Variants in NBPF12 observed in about 807,000 individuals in gnomAD.
The protein encoded by NBPF12 is NBPF family member NBPF12.
Under a neutral mutation model 146.4 loss-of-function variants are expected in NBPF12, and 115 were observed. The ratio of observed to expected loss-of-function variants is 0.79; its 90% CI spans 0.68 to 0.92. The LOEUF (loss-of-function observed/expected upper bound fraction) is 0.92, where lower values mean the gene tolerates loss of function less well. Ranked by LOEUF, NBPF12 falls within the 40% of genes least tolerant of loss-of-function variation. The pLI, the probability that NBPF12 is intolerant of heterozygous loss-of-function variation, is 0.00. For synonymous variants in NBPF12, 385 were observed against 508.9 expected (o/e 0.76, Z 3.28); for missense variants, 1,205 against 1,326.8 (o/e 0.91, Z 1.43).
chr1:146,951,200 C>G (rs1164561366), intron 1 of NBPF12, 148 bp from the exon 5 acceptor site: 1 of 605,424 alleles, frequency 1.7e-6, no homozygotes, highest in South Asian at 1.9e-5. Flanking sequence ...TATAAAGAAT[C>G]CTGTGACCAG....
chr1:146,994,143 T>A (rs1658367804), intron 33 of NBPF12, among the ~76,000 whole-genome samples, 189 bp from the exon 37 acceptor site: 1 of 133,938 alleles, frequency 7.5e-6, no homozygotes, highest in South Asian at 2.6e-4. Flanking sequence ...TCTCTCTCTG[T>A]CTTTCTCTTT....
rs1656094373 is a variant in NBPF12, at chr1:146,964,949, C to A, written c.623C>A (p.Ala208Asp). 4.4e-6 allele frequency: 7 copies of A among 1,608,114 alleles called. No homozygotes were observed. In the South Asian group the frequency reaches 5.5e-5, roughly 13 times the overall value. The change falls in exon 8 of 34, where the codon GCC (alanine) becomes GAC (aspartate). Residue 208 changes from alanine (A) to aspartate (D), a missense_variant. By Grantham distance (126) the Ala-to-Asp change is moderately radical (BLOSUM62 -2). This residue lies in a region of NBPF12 where 325 missense variants were observed against 236.6 expected (regional missense o/e 1.37). Coordinates refer to ENST00000617844, the Ensembl canonical transcript of NBPF12. ...CCTGAGGACTCACTGGAGGAATGTG[C>A]CATCACTTGTTCAAATAGCCACGGC... is the stretch of plus-strand genomic sequence containing the variant.
intron 8 of NBPF12, among the ~76,000 whole-genome samples, chr1:146,965,821 G>C (rs1350477881): frequency 1.5e-4 from 5 of 32,808 alleles, no homozygotes; most frequent in East Asian, 2.7e-3. Context: ...AAAAAAAAAA[G>C]TCTCTGACCA....
chr1:146,964,265 A>T (rs1553885227), intron 6 of NBPF12, 92 bp from the exon 10 acceptor site: 11 of 1,563,766 alleles, frequency 7.0e-6, no homozygotes, highest in Non-Finnish European at 8.8e-6. Flanking sequence ...GCTGAACCAT[A>T]CATAGATGTT....
At chr1:146,940,668 T>C (rs1290472178) in intron 1 of NBPF12, among the ~76,000 whole-genome samples, 1,523 of 152,116 alleles carry the variant, frequency 0.01, 35 homozygotes, top group African/African-American at 0.035. Context: ...ATTGTTGGTT[T>C]TAGAGCTATA....
chr1:146,955,011 T>TACACAC (rs1326826456), intron 2 of NBPF12, among the ~76,000 whole-genome samples: 2 of 78,900 alleles, frequency 2.5e-5, no homozygotes, highest in Admixed American at 3.1e-4. Flanking sequence ...TATATATATA[T>TACACAC]ATACACACAC....
At position 146,971,226 on chromosome 1, in the gene NBPF12, C is replaced by G. The variant is rs1416601080; in HGVS notation, c.1423C>G (p.Leu475Val). 2.5e-6 allele frequency: 4 copies of G among 1,612,004 alleles called. No homozygotes were observed. In the South Asian group the frequency reaches 3.3e-5, roughly 13 times the overall value. The change falls in exon 13 of 34, where the codon CTG becomes GTG. Residue 475 changes from leucine (L) to valine (V), a missense_variant. Leu to Val is a conservative substitution (Grantham distance 32). Coordinates refer to ENST00000617844, the Ensembl canonical transcript of NBPF12. ...AGAAAGCAAAGTCCCTGAGGACTCA[C>G]TGGAGGAATGTGCCATCACTTGTTC...
In NBPF12 at chr1:146,971,234, A is replaced by G. The variant is rs1553886369; in HGVS notation, c.1431A>G (p.Glu477=). The change falls in exon 13 of 34, where the codon GAA becomes GAG. Residue 477 remains glutamate (E), a synonymous_variant. Transcript: ENST00000617844. ...AAGTCCCTGAGGACTCACTGGAGGA[A>G]TGTGCCATCACTTGTTCAAATAGCC... 95 of 1,612,054 alleles carry G rather than the reference A, an allele frequency of 5.9e-5. 2 individuals carry two copies. Among genetic ancestry groups the G allele is most frequent in the Admixed American group, 1.7e-5 (1 of 59,916 alleles).
chr1:146,963,417 C>A, intron 6 of NBPF12, 108 bp downstream of exon 9: 1 of 1,600,786 alleles, frequency 6.2e-7, no homozygotes, highest in African/African-American at 1.3e-5. Flanking sequence ...TTTTCTACTA[C>A]ACATATGTGG....
At chr1:146,960,372 C>A (rs1655773862) in intron 4 of NBPF12, 54 bp downstream of exon 7, 14 of 1,355,848 alleles carry the variant, frequency 1.0e-5, no homozygotes, top group South Asian at 4.7e-5. Flanking sequence ...CCTGTCTTCT[C>A]TCTGAGACAC....
chr1:146,968,947 A>G (rs1406633904), intron 10 of NBPF12, among the ~76,000 whole-genome samples: 1 of 151,074 alleles, frequency 6.6e-6, no homozygotes, highest in Non-Finnish European at 1.5e-5. Flanking sequence ...TGCCTTCTCG[A>G]CCCTGTCATT....
intron 2 of NBPF12, among the ~76,000 whole-genome samples, chr1:146,953,772 GA>G (rs1314463264): frequency 1.4e-5 from 2 of 143,382 alleles, no homozygotes; most frequent in African/African-American, 5.3e-5. Context: ...TTAAATCAGA[GA>G]AAAAAGTAGA....
At chr1:146,958,023 C>T (rs1348033905) in intron 2 of NBPF12, among the ~76,000 whole-genome samples, 9 of 113,766 alleles carry the variant, frequency 7.9e-5, no homozygotes, top group African/African-American at 2.7e-4. Context: ...ATAAATAATA[C>T]ATATACACGT....
chr1:146,950,068 G>T (rs1225851264), intron 1 of NBPF12, among the ~76,000 whole-genome samples: 1 of 152,022 alleles, frequency 6.6e-6, no homozygotes, highest in Non-Finnish European at 1.5e-5. Flanking sequence ...TAGAGACAAG[G>T]GTGTGGCATG....
intron 1 of NBPF12, among the ~76,000 whole-genome samples, chr1:146,950,046 G>C (rs2795739): frequency 4.6e-5 from 7 of 152,150 alleles, no homozygotes; most frequent in African/African-American, 7.2e-5. Flanking sequence ...GTCTCATCAC[G>C]TTAAGAGGCT....
chr1:146,974,213 G>A (rs1656846888), intron 14 of NBPF12, among the ~76,000 whole-genome samples: 1 of 147,696 alleles, frequency 6.8e-6, no homozygotes, highest in African/African-American at 2.6e-5. Context: ...ATGGTGTTAT[G>A]TGTCACACTT....
intron 8 of NBPF12, 44 bp from the exon 12 acceptor site, chr1:146,966,420 C>T: frequency 2.2e-6 from 3 of 1,340,828 alleles, no homozygotes; most frequent in Non-Finnish European, 3.2e-6. Context: ...TACTTGATTT[C>T]ACCAGTTTTT....
exon 34 of NBPF12, chr1:146,996,061 T>A (rs1271358151): frequency 1.4e-5 from 2 of 141,230 alleles, no homozygotes; most frequent in Non-Finnish European, 3.0e-5. Context: ...AAAGTTAATT[T>A]TAATCTATAC....
At chr1:146,971,812 G>A (rs1204333353) in intron 13 of NBPF12, among the ~76,000 whole-genome samples, 8 of 150,512 alleles carry the variant, frequency 5.3e-5, no homozygotes, top group Non-Finnish European at 4.4e-5. Context: ...AGGCGCGGTG[G>A]CTCACACATG....
Sources: allele counts gnomAD v4.1 joint callset (sites outside exome capture counted in the v4.1 genomes callset), GRCh38; gene constraint gnomAD v4.1.1; regional missense constraint gnomAD v4.1.1; transcripts MANE v1.5; gene names NCBI Gene and HGNC (gene_info 2026-07-23, HGNC 2026-07-21).